Variants in PLXDC2 observed in about 807,000 individuals in gnomAD.
The protein encoded by PLXDC2 is plexin domain-containing protein 2.
In PLXDC2, 40 loss-of-function variants were observed where a neutral mutation model predicts 68.9. The ratio of observed to expected loss-of-function variants is 0.58; its 90% CI spans 0.45 to 0.76. PLXDC2 has a LOEUF of 0.76. Among genes scored for constraint, PLXDC2 ranks in the 30% least tolerant of loss-of-function variants. PLXDC2 has a pLI of 0.00. For missense variants in PLXDC2, 644 were observed against 661.9 expected, an observed-to-expected ratio of 0.97 and a Z score of 0.30; for synonymous variants, 243 against 234.2, an observed-to-expected ratio of 1.04 and a Z score of -0.34.
intron 7 of PLXDC2, among the ~76,000 whole-genome samples, chr10:20,165,798 A>G (rs2131816297): frequency 6.6e-6 from 1 of 152,240 alleles, no homozygotes; most frequent in African/African-American, 2.4e-5. Flanking sequence ...GCTTTGGACA[A>G]CTGTTTGTTA....
intron 1 of PLXDC2, among the ~76,000 whole-genome samples, chr10:19,886,193 T>C (rs1837843203): frequency 6.6e-6 from 1 of 152,296 alleles, no homozygotes; most frequent in Non-Finnish European, 1.5e-5. Flanking sequence ...GTGATTTTTG[T>C]ACATTGATTT....
rs114101740 is a variant in PLXDC2, at chr10:19,968,298, A to G, written c.113-33477A>G. On this transcript the variant is annotated intron_variant, in intron 1 of 13. Coordinates refer to ENST00000377252, the MANE Select transcript of PLXDC2 (RefSeq NM_032812.9). ...ATGAGTGATTAAATACGATGACCTC[A>G]CTGATCTCCTTCATTGCTTTTTTGT... Among the ~76,000 whole-genome samples, 972 of 152,192 alleles carry G rather than the reference A, an allele frequency of 6.4e-3. 13 individuals are homozygous for G. Among genetic ancestry groups the G allele is most frequent in the African/African-American group, 0.022 (910 of 41,520 alleles).
intron 12 of PLXDC2, among the ~76,000 whole-genome samples, chr10:20,243,291 A>G (rs1423744705): frequency 4.6e-5 from 7 of 152,234 alleles, no homozygotes; most frequent in Admixed American, 4.6e-4. Context: ...CCTATAAAAC[A>G]GAAATAATAA....
chr10:20,082,072 A>AAAAAAAAC (rs1564308574), intron 4 of PLXDC2, among the ~76,000 whole-genome samples: 4 of 149,262 alleles, frequency 2.7e-5, no homozygotes, highest in African/African-American at 9.8e-5. Flanking sequence ...ATCAAAAAAA[A>AAAAAAAAC]AAAACAGGAG....
At chr10:20,208,322 A>T (rs1014181944) in intron 9 of PLXDC2, among the ~76,000 whole-genome samples, 7 of 152,256 alleles carry the variant, frequency 4.6e-5, no homozygotes, top group African/African-American at 1.7e-4. Flanking sequence ...CATGGTGCAG[A>T]CAAGAAAGAA....
chr10:19,978,507 AAAG>A (rs1342560595), intron 1 of PLXDC2, among the ~76,000 whole-genome samples: 3 of 152,202 alleles, frequency 2.0e-5, no homozygotes, highest in Admixed American at 6.5e-5. Flanking sequence ...CTTTTTTGAA[AAAG>A]AAGATCTTCA....
chr10:20,244,868 C>T (rs1054422841), intron 12 of PLXDC2, among the ~76,000 whole-genome samples: 4 of 152,182 alleles, frequency 2.6e-5, no homozygotes, highest in African/African-American at 9.7e-5. Flanking sequence ...GTAATCCCAG[C>T]ACTTTGGGAG....
At position 20,038,158 on chromosome 10, in the gene PLXDC2, C is replaced by T. The variant is rs369469584; in HGVS notation, c.325-8711C>T. Among the ~76,000 whole-genome samples, 14 of 152,032 alleles carry T rather than the reference C, an allele frequency of 9.2e-5. No individual in the cohort carries two copies. The East Asian group carries it at 1.9e-3, about 21-fold the overall frequency. ...GGCTGAGGCAGGAGAATCGCTTGAA[C>T]CTGGGAGATGGAGGTTGCAGTGAGC... On this transcript the variant is annotated intron_variant, in intron 2 of 13. Transcript: ENST00000377252.
At chr10:19,877,323 T>C (rs936665096) in intron 1 of PLXDC2, among the ~76,000 whole-genome samples, 3 of 152,128 alleles carry the variant, frequency 2.0e-5, no homozygotes, top group African/African-American at 7.2e-5. Context: ...TAGGTCAACA[T>C]TATTTCTATT....
intron 6 of PLXDC2, among the ~76,000 whole-genome samples, chr10:20,155,628 T>G (rs2131805677): frequency 6.6e-6 from 1 of 152,140 alleles, no homozygotes; most frequent in African/African-American, 2.4e-5. Context: ...AATATTAAAA[T>G]TTTATCTACA....
rs534527311 is a variant in PLXDC2 at position 20,055,326 on chromosome 10, T to G, written c.471+8311T>G. ...AGCTAGCATTACCATGGGTCTCATA[T>G]TTGCATAATGTTTATGTTGGGATAA... On this transcript the variant is annotated intron_variant, in intron 3 of 13. Coordinates refer to ENST00000377252, the MANE Select transcript of PLXDC2 (RefSeq NM_032812.9). Among the ~76,000 whole-genome samples the G allele has an allele frequency of 1.1e-4, 17 of 152,278 alleles. No individual in the cohort carries two copies. The South Asian group carries it at 3.5e-3, about 32-fold the overall frequency.
chr10:19,832,671 A>G (rs979768748), intron 1 of PLXDC2, among the ~76,000 whole-genome samples: 7 of 152,230 alleles, frequency 4.6e-5, no homozygotes, highest in African/African-American at 1.7e-4. Context: ...AGAAAAAGAC[A>G]TGGTTTCTAT....
In PLXDC2 at chr10:19,873,406, CTTTTTTTTTTTTTT is replaced by C. The variant is rs1049862345; in HGVS notation, c.112+56224_112+56237del. 3.5e-5 allele frequency among the ~76,000 whole-genome samples: 4 copies of C among 115,672 alleles called. No individual in the cohort carries two copies. The East Asian group carries it at 7.4e-4, about 21-fold the overall frequency. The allele number at this position is 115,672 out of a possible 152,430, so 75.9% of individuals were successfully genotyped here. A position where few individuals can be genotyped will look rare whatever the true frequency, so the allele number is the denominator to read the frequency against. Reference sequence around the variant, plus strand: ...TGTTGGGATTAACATTCTTCTTCGTCTTTTTTTTTTTTTTTTTTTTTTGAACTGAGACCTTGCTC... The same window carrying C: ...TGTTGGGATTAACATTCTTCTTCGTCTTTTTTTTGAACTGAGACCTTGCTC... On this transcript the variant is annotated intron_variant, in intron 1 of 13. Coordinates refer to ENST00000377252, the MANE Select transcript of PLXDC2 (RefSeq NM_032812.9).
intron 1 of PLXDC2, among the ~76,000 whole-genome samples, chr10:19,834,889 T>C (rs1564603703): frequency 6.6e-6 from 1 of 151,928 alleles, no homozygotes; most frequent in East Asian, 1.9e-4. Flanking sequence ...TATATATGTG[T>C]GTGAGAGAGA....
chr10:20,168,228 G>T (rs114458337), intron 7 of PLXDC2, among the ~76,000 whole-genome samples: 126 of 152,132 alleles, frequency 8.3e-4, no homozygotes, highest in African/African-American at 2.5e-3. Context: ...TTTGATTATT[G>T]GTCATGAAAC....
intron 1 of PLXDC2, among the ~76,000 whole-genome samples, chr10:19,947,315 A>C (rs1465724819): frequency 2.0e-5 from 3 of 152,154 alleles, no homozygotes; most frequent in Non-Finnish European, 4.4e-5. Flanking sequence ...GTTAGTGGTA[A>C]CTTGTTATAG....
intron 1 of PLXDC2, among the ~76,000 whole-genome samples, chr10:19,900,243 A>G (rs781694849): frequency 9.2e-5 from 14 of 152,288 alleles, no homozygotes; most frequent in Middle Eastern, 3.4e-3. Context: ...AAATATGGAG[A>G]ACAGAAGATC....
chr10:20,101,050 T>C (rs1833415541), intron 4 of PLXDC2, among the ~76,000 whole-genome samples: 1 of 152,212 alleles, frequency 6.6e-6, no homozygotes, highest in Admixed American at 6.5e-5. Flanking sequence ...ATTCTTCTTT[T>C]CTTTTTAAAA....
At chr10:20,089,798 G>C (rs371321081) in intron 4 of PLXDC2, among the ~76,000 whole-genome samples, 1 of 152,236 alleles carries the variant, frequency 6.6e-6, no homozygotes, top group Non-Finnish European at 1.5e-5. Context: ...AGGTAAAAGA[G>C]AGCCCAAGAG....
Sources: allele counts gnomAD v4.1 joint callset (sites outside exome capture counted in the v4.1 genomes callset), GRCh38; gene constraint gnomAD v4.1.1; transcripts MANE v1.5; gene names NCBI Gene and HGNC (gene_info 2026-07-23, HGNC 2026-07-21).